SCFD2: variants seen among roughly 807,000 people sequenced by gnomAD.
SCFD2 encodes sec1 family domain containing 2, also known as sec1 family domain-containing protein 2.
SCFD2 carries 54 observed loss-of-function variants against 58.9 expected under a neutral mutation model. The ratio of observed to expected loss-of-function variants is 0.92; its 90% CI spans 0.74 to 1.15. SCFD2 has a LOEUF of 1.15. SCFD2 is among the 50% of genes most tolerant of loss of function. The pLI is 0.00. For synonymous variants in SCFD2, 321 were observed against 335.9 expected (o/e 0.96, Z 0.49); for missense variants, 805 against 836.6 (o/e 0.96, Z 0.47).
intron 5 of SCFD2, among the ~76,000 whole-genome samples, chr4:52,943,945 C>T (rs1720355688): frequency 1.3e-5 from 2 of 152,144 alleles, no homozygotes; most frequent in African/African-American, 4.8e-5. Flanking sequence ...GTTTATCAAA[C>T]AATCACATGA....
chr4:53,292,703 A>G lies in SCFD2; in HGVS notation c.1136-18702T>C, dbSNP rs181945295. On this transcript the variant is annotated intron_variant, in intron 3 of 8. Coordinates refer to ENST00000401642, the MANE Select transcript of SCFD2 (RefSeq NM_152540.4). ...TGACCCAGCAATCACATTACTGGGT[A>G]TATACCCAAAGGAATATAAATCATT... Among the ~76,000 whole-genome samples the G allele has an allele frequency of 2.9e-3, 439 of 152,360 alleles. 1 individual carries two copies. The highest frequency in any genetic ancestry group is 0.01 in the African/African-American group (417 of 41,578).
At position 53,062,399 on chromosome 4, in the gene SCFD2, AT is replaced by A. The variant is rs1181888544; in HGVS notation, c.1561+82933del. On this transcript the variant is annotated intron_variant, in intron 5 of 8. Coordinates refer to ENST00000401642, the MANE Select transcript of SCFD2 (RefSeq NM_152540.4). ...AAAAATACGTACAATAACAATAATA[AT>A]AATAATAATAATAATAGTCTCTCAT... is the stretch of plus-strand genomic sequence containing the variant. 1.9e-4 allele frequency among the ~76,000 whole-genome samples: 29 copies of A among 151,652 alleles called. No individual in the cohort carries two copies. The South Asian group carries it at 6.1e-3, about 32-fold the overall frequency.
At chr4:53,188,871 T>G (rs1405771475) in intron 4 of SCFD2, among the ~76,000 whole-genome samples, 1 of 152,194 alleles carries the variant, frequency 6.6e-6, no homozygotes, top group Admixed American at 6.6e-5. Flanking sequence ...CTTGTTTTTT[T>G]CCTGCCCAGC....
chr4:53,300,133 A>C (rs943137146), intron 3 of SCFD2, among the ~76,000 whole-genome samples: 11 of 152,364 alleles, frequency 7.2e-5, no homozygotes, highest in African/African-American at 2.6e-4. Flanking sequence ...TAAATGCTCC[A>C]ATTAAAAGAC....
chr4:53,281,414 C>T (rs536658380), intron 3 of SCFD2, among the ~76,000 whole-genome samples: 3 of 152,222 alleles, frequency 2.0e-5, no homozygotes, highest in African/African-American at 7.2e-5. Context: ...ATACCCATAA[C>T]TGATATATAG....
At chr4:53,225,396 C>T (rs541541893) in intron 4 of SCFD2, among the ~76,000 whole-genome samples, 2 of 152,202 alleles carry the variant, frequency 1.3e-5, no homozygotes, top group East Asian at 3.9e-4. Context: ...CTATTATTTC[C>T]TCATCTGTAA....
chr4:53,222,142 T>A (rs142439004), intron 4 of SCFD2, among the ~76,000 whole-genome samples: 70 of 152,320 alleles, frequency 4.6e-4, no homozygotes, highest in Non-Finnish European at 8.5e-4. Flanking sequence ...TCTTTCCTTT[T>A]CACCCGCCCA....
chr4:53,346,956 T>G (rs150208247), intron 2 of SCFD2, among the ~76,000 whole-genome samples: 1 of 152,186 alleles, frequency 6.6e-6, no homozygotes, highest in Admixed American at 6.5e-5. Context: ...GATTGAAAAT[T>G]CAAAATACTC....
At chr4:53,235,277 C>G (rs1729562449) in intron 4 of SCFD2, among the ~76,000 whole-genome samples, 1 of 152,160 alleles carries the variant, frequency 6.6e-6, no homozygotes, top group African/African-American at 2.4e-5. Flanking sequence ...CATAAAGAAG[C>G]CTCTCTGTCC....
intron 1 of SCFD2, among the ~76,000 whole-genome samples, chr4:53,354,638 C>T (rs1368286628): frequency 6.6e-6 from 1 of 152,148 alleles, no homozygotes; most frequent in Non-Finnish European, 1.5e-5. Flanking sequence ...CTCACTAGCA[C>T]AGTGCCTACA....
chr4:53,329,974 C>T (rs991965955), intron 2 of SCFD2, among the ~76,000 whole-genome samples: 58 of 151,444 alleles, frequency 3.8e-4, no homozygotes, highest in African/African-American at 1.3e-3. Context: ...CTGATGCGAT[C>T]AACTGGAAGA....
rs764174656 is a variant in SCFD2 at position 53,365,779 on chromosome 4, G to GAC, written c.161_162dup (p.His55ValfsTer24). ...GCGTCGGGCTCGAACTCTCGCAGGT[G>GAC]ACAGTCAGGACCCCCCACCGCCTCC... On this transcript the variant is annotated frameshift_variant, in exon 1 of 9. Coordinates refer to ENST00000401642, the MANE Select transcript of SCFD2 (RefSeq NM_152540.4). LOFTEE classifies it high-confidence loss of function. This position sits in a 1 kb window ranked among gnomAD's most constrained non-coding sequence, Gnocchi z 4.3. 6.2e-7 allele frequency: 1 copy of GAC among 1,613,890 alleles called. No homozygotes were observed. The highest frequency in any genetic ancestry group is 1.1e-5 in the South Asian group (1 of 91,046).
At chr4:53,061,333 C>T (rs972379514) in intron 5 of SCFD2, among the ~76,000 whole-genome samples, 1 of 152,142 alleles carries the variant, frequency 6.6e-6, no homozygotes, top group African/African-American at 2.4e-5. Flanking sequence ...CACAACAATG[C>T]TCGAGGATGG....
At chr4:53,262,527 T>TTTA (rs1730860173) in intron 4 of SCFD2, among the ~76,000 whole-genome samples, 1 of 152,220 alleles carries the variant, frequency 6.6e-6, no homozygotes, top group Admixed American at 6.5e-5. Flanking sequence ...TTTTGCTGGA[T>TTTA]ACAAAATTCT....
At chr4:52,915,814 G>A (rs189546325) in intron 6 of SCFD2, among the ~76,000 whole-genome samples, 143 of 152,330 alleles carry the variant, frequency 9.4e-4, no homozygotes, top group African/African-American at 3.3e-3. Flanking sequence ...AAAGATGCTA[G>A]CAGTTCTGTT....
chr4:53,015,707 T>C (rs1278892871), intron 5 of SCFD2, among the ~76,000 whole-genome samples: 1 of 152,136 alleles, frequency 6.6e-6, no homozygotes, highest in Non-Finnish European at 1.5e-5. Flanking sequence ...ATAATATATT[T>C]ATTAAAATAT....
At chr4:53,333,267 C>T (rs112377827) in intron 2 of SCFD2, among the ~76,000 whole-genome samples, 33,604 of 148,062 alleles carry the variant, frequency 0.23, 4,683 homozygotes, top group Non-Finnish European at 0.31. Context: ...TCATATGGAA[C>T]CAAAAAAGAG....
intron 4 of SCFD2, among the ~76,000 whole-genome samples, chr4:53,178,973 A>G (rs1463914249): frequency 6.6e-6 from 1 of 152,230 alleles, no homozygotes; most frequent in Non-Finnish European, 1.5e-5. Context: ...AGAAAGGAAC[A>G]AAGCCTCTAA....
intron 5 of SCFD2, among the ~76,000 whole-genome samples, chr4:53,062,257 T>C (rs1577696701): frequency 6.6e-6 from 1 of 151,630 alleles, no homozygotes; most frequent in Non-Finnish European, 1.5e-5. Context: ...CTGTAATCCC[T>C]GCTACTTGGG....
Sources: gnomAD v4.1 joint callset for allele counts (sites outside exome capture counted in the v4.1 genomes callset) on GRCh38, gnomAD v4.1.1 for gene constraint, Gnocchi (gnomAD v3.1) non-coding constraint, MANE v1.5 for transcripts, NCBI Gene and HGNC (gene_info 2026-07-23, HGNC 2026-07-21) for gene names.